Variants in NIT2 observed in about 807,000 individuals in gnomAD.
The protein encoded by NIT2 is omega-amidase NIT2.
In NIT2, 46 loss-of-function variants were observed where a neutral mutation model predicts 42.7. The observed-to-expected ratio is 1.08, with a 90% CI of 0.85 to 1.38. The LOEUF is 1.38. NIT2 is among the 40% of genes most tolerant of loss of function. The pLI is 0.00. For synonymous variants in NIT2, 123 were observed against 121.9 expected (o/e 1.01, Z -0.06); for missense variants, 309 against 342.5 (o/e 0.90, Z 0.77).
intron 2 of NIT2, 104 bp downstream of exon 2, chr3:100,339,309 C>A: frequency 1.3e-6 from 1 of 776,040 alleles, no homozygotes; most frequent in Non-Finnish European, 2.3e-6. Flanking sequence ...CAGCAGTGTC[C>A]CTTGGAGCCC....
chr3:100,335,603 T>A (rs936485711), intron 1 of NIT2, among the ~76,000 whole-genome samples: 4 of 152,218 alleles, frequency 2.6e-5, no homozygotes, highest in African/African-American at 9.7e-5. Context: ...ATTTGCAGAA[T>A]GATAGGCAGT....
chr3:100,335,421 CT>C (rs201292250), intron 1 of NIT2, among the ~76,000 whole-genome samples: 2,064 of 152,264 alleles, frequency 0.014, 41 homozygotes, highest in African/African-American at 0.043. Flanking sequence ...GTATTTTATT[CT>C]TTTTTTCCGC....
chr3:100,337,273 G>T (rs566105515), intron 1 of NIT2, among the ~76,000 whole-genome samples: 2 of 151,676 alleles, frequency 1.3e-5, no homozygotes, highest in Admixed American at 6.6e-5. Context: ...TAATCTGATC[G>T]CTCTTTCTTT....
intron 7 of NIT2, among the ~76,000 whole-genome samples, chr3:100,351,293 C>T (rs1360912948): frequency 4.6e-5 from 7 of 152,294 alleles, no homozygotes; most frequent in South Asian, 4.1e-4. Context: ...GAGCCCGCAT[C>T]GCCAAGTCAA....
intron 1 of NIT2, among the ~76,000 whole-genome samples, chr3:100,337,444 ATTAT>A (rs745784349): frequency 1.3e-5 from 2 of 151,992 alleles, no homozygotes; most frequent in African/African-American, 2.4e-5. Flanking sequence ...AACAAGGAAA[ATTAT>A]TTATTTATTT....
At chr3:100,345,535 C>A in intron 4 of NIT2, 50 bp from the exon 5 acceptor site, 1 of 1,250,818 alleles carries the variant, frequency 8.0e-7, no homozygotes, top group Non-Finnish European at 1.2e-6. Context: ...TCATTACTGC[C>A]ATGGACCCTG....
intron 6 of NIT2, among the ~76,000 whole-genome samples, chr3:100,348,312 A>C (rs76319226): frequency 0.017 from 2,599 of 152,312 alleles, 69 homozygotes; most frequent in African/African-American, 0.059. Context: ...AGAAACTATC[A>C]TGGCACGGGT....
At chr3:100,353,673 AGTT>A (rs1464443426) in intron 8 of NIT2, among the ~76,000 whole-genome samples, 3 of 152,136 alleles carry the variant, frequency 2.0e-5, no homozygotes, top group Non-Finnish European at 4.4e-5. Flanking sequence ...AAACAGAATC[AGTT>A]GTTATGTCAG....
Position 100,348,957 on chromosome 3 carries a change from C to T in NIT2, c.584+76C>T, listed in dbSNP as rs77310197. 3.8e-4 allele frequency: 481 copies of T among 1,257,044 alleles called. 2 individuals are homozygous for T. The African/African-American group carries it at 6.5e-3, about 17-fold the overall frequency. The allele number at this position is 1,257,044 out of a possible 1,614,324, so 77.9% of individuals were successfully genotyped here. A position where few individuals can be genotyped will look rare whatever the true frequency, so the allele number is the denominator to read the frequency against. On this transcript the variant is annotated intron_variant, in intron 7 of 9. Coordinates refer to ENST00000394140, the MANE Select transcript of NIT2 (RefSeq NM_020202.5). ...AAGATTTCCGGTTGGGTGGAGGTGC[C>T]AGCCTTCCTGATGTGGATTCTGTCC...
chr3:100,350,617 C>T (rs1706263643), intron 7 of NIT2, among the ~76,000 whole-genome samples: 1 of 152,158 alleles, frequency 6.6e-6, no homozygotes, highest in African/African-American at 2.4e-5. Context: ...GCATCTGTGG[C>T]CTCTACCTGC....
Position 100,334,763 on chromosome 3 carries a change from C to T in NIT2, c.-29C>T. The T allele has an allele frequency of 7.7e-7, 1 of 1,303,066 alleles. No individual in the cohort carries two copies. Among genetic ancestry groups the T allele is most frequent in the African/African-American group, 1.5e-5 (1 of 66,318 alleles). The allele number at this position is 1,303,066 out of a possible 1,614,324, so 80.7% of individuals were successfully genotyped here. On this transcript the variant is annotated 5_prime_UTR_variant, in exon 1 of 10. Coordinates refer to ENST00000394140, the MANE Select transcript of NIT2 (RefSeq NM_020202.5). ...CGCCGGATCTCCAGCGCTCAGTCCG[C>T]GCCGCAGGTGGTGCTTGTCTGCAGA...
rs556415015 is a variant in NIT2, at chr3:100,356,642, T to C, written c.*1374T>C. 1 of 152,328 alleles carries C rather than the reference T, an allele frequency of 6.6e-6. No homozygotes were observed. The highest frequency in any genetic ancestry group is 2.1e-4 in the South Asian group (1 of 4,832). The allele number at this position is 152,328 out of a possible 1,614,324, so 9.4% of individuals were successfully genotyped here. A position where few individuals can be genotyped will look rare whatever the true frequency, so the allele number is the denominator to read the frequency against. Reference sequence around the variant, plus strand: ...TGACTTTTTTAAATTAAGTTTTTAATTTACAATTGATGCATAATTTTACTT... The same window carrying C: ...TGACTTTTTTAAATTAAGTTTTTAACTTACAATTGATGCATAATTTTACTT... On this transcript the variant is annotated 3_prime_UTR_variant, in exon 10 of 10. Transcript: ENST00000394140.
intron 1 of NIT2, among the ~76,000 whole-genome samples, chr3:100,338,614 G>C (rs756591625): frequency 1.3e-4 from 20 of 152,268 alleles, no homozygotes; most frequent in Middle Eastern, 3.4e-3. Context: ...TCTGTGCTGG[G>C]ACATACTCAG....
At chr3:100,349,009 A>G in intron 7 of NIT2, 128 bp downstream of exon 7, 1 of 711,560 alleles carries the variant, frequency 1.4e-6, no homozygotes, top group South Asian at 1.7e-5. Flanking sequence ...TTGTATCCAA[A>G]TGCAGTTGGA....
chr3:100,355,301 C>T lies in NIT2; in HGVS notation c.*33C>T, dbSNP rs201497047. ...GTTTCTAATGTGTCACAGAATAGGA[C>T]GATATGATTCTACAACATAATCAAC... On this transcript the variant is annotated 3_prime_UTR_variant, in exon 10 of 10. Transcript: ENST00000394140. 74 of 1,463,836 alleles carry T rather than the reference C, an allele frequency of 5.1e-5. 1 individual carries two copies. Among genetic ancestry groups the T allele is most frequent in the Admixed American group, 2.0e-4 (11 of 55,144 alleles). 90.7% of individuals were successfully genotyped at this position (1,463,836 alleles called of 1,614,324 possible). A position where few individuals can be genotyped will look rare whatever the true frequency, so the allele number is the denominator to read the frequency against.
Position 100,360,212 on chromosome 3 carries a change from T to C in NIT2, c.*4944T>C, listed in dbSNP as rs1240375921. ...ATTTCCTTACCTTAAGGGAGTCTGA[T>C]CTGGGAAGAGCCTGGGACGTGATGT... is the stretch of plus-strand genomic sequence containing the variant. On this transcript the variant is annotated 3_prime_UTR_variant, in exon 10 of 10. Coordinates refer to ENST00000394140, the MANE Select transcript of NIT2 (RefSeq NM_020202.5). 1 of 152,256 alleles carries C rather than the reference T, an allele frequency of 6.6e-6. No homozygotes were observed. The highest frequency in any genetic ancestry group is 6.5e-5 in the Admixed American group (1 of 15,280). 9.4% of individuals were successfully genotyped at this position (152,256 alleles called of 1,614,324 possible).
intron 1 of NIT2, among the ~76,000 whole-genome samples, chr3:100,335,407 C>A (rs139300912): frequency 6.6e-6 from 1 of 152,298 alleles, no homozygotes; most frequent in African/African-American, 2.4e-5. Flanking sequence ...TTCCTTCGCT[C>A]ACAGTATTTT....
intron 1 of NIT2, chr3:100,335,078 T>A (rs770443924): frequency 8.3e-6 from 4 of 484,270 alleles, no homozygotes. Context: ...CAGAGGCTGA[T>A]GGACGTGTAT....
At chr3:100,344,439 C>G (rs1706189528) in intron 4 of NIT2, among the ~76,000 whole-genome samples, 1 of 152,204 alleles carries the variant, frequency 6.6e-6, no homozygotes, top group East Asian at 1.9e-4. Flanking sequence ...GAAGAACAGC[C>G]AGCATTGGAC....
Sources: gnomAD v4.1 joint callset for allele counts (sites outside exome capture counted in the v4.1 genomes callset) on GRCh38, gnomAD v4.1.1 for gene constraint, MANE v1.5 for transcripts, NCBI Gene and HGNC (gene_info 2026-07-23, HGNC 2026-07-21) for gene names.